The following PTPRB variants were observed in gnomAD, a reference collection of about 807,000 sequenced individuals.
PTPRB encodes protein tyrosine phosphatase receptor type B.
A neutral mutation model predicts 238.1 loss-of-function variants in PTPRB; 97 were observed. The ratio of observed to expected loss-of-function variants is 0.41; its 90% CI spans 0.35 to 0.48. The LOEUF (loss-of-function observed/expected upper bound fraction) is 0.48. Among genes scored for constraint, PTPRB ranks in the 20% least tolerant of loss-of-function variants. The pLI is 0.30. For missense variants in PTPRB, 2,292 were observed against 2,681.9 expected (o/e 0.85, Z 3.21); for synonymous variants, 970 against 995.4 (o/e 0.97, Z 0.48).
chr12:70,635,367 T>G (rs1481900678), intron 2 of PTPRB, among the ~76,000 whole-genome samples: 1 of 152,174 alleles, frequency 6.6e-6, no homozygotes, highest in Admixed American at 6.5e-5. Context: ...CATCTAACAG[T>G]GCTTAACTGG....
intron 6 of PTPRB, 135 bp from the exon 7 acceptor site, chr12:70,592,680 AT>A: frequency 3.3e-6 from 3 of 905,912 alleles, no homozygotes; most frequent in Non-Finnish European, 5.0e-6. Context: ...CAAGAGGCAA[AT>A]ATTATCCTCT....
At position 70,544,611 on chromosome 12, in the gene PTPRB, T is replaced by C. The variant is rs1875682163; in HGVS notation, c.5440A>G (p.Thr1814Ala). 6.2e-7 allele frequency: 1 copy of C among 1,610,120 alleles called. No individual in the cohort carries two copies. Among genetic ancestry groups the C allele is most frequent in the South Asian group, 1.1e-5 (1 of 90,326 alleles). The stretch of plus-strand genomic sequence containing the variant: ...AATGTGTCTGAATAGAGTGGCTTTG[T>C]GAATTCCTTCAGGTCCTCATCAAAG... ...QLFDEDLKEF[T>A]KPLYSDTFFS... The change falls in exon 22 of 34, where the codon ACA (threonine) becomes GCA (alanine). Residue 1814 changes from threonine to alanine, a missense_variant. Coordinates refer to ENST00000334414, the MANE Select transcript of PTPRB (RefSeq NM_001109754.4).
chr12:70,617,630 A>G (rs1460524952), intron 3 of PTPRB, among the ~76,000 whole-genome samples: 1 of 152,126 alleles, frequency 6.6e-6, no homozygotes, highest in Non-Finnish European at 1.5e-5. Context: ...TGACCCCAAT[A>G]TAGGAGGTTA....
chr12:70,629,961 C>T (rs1303067151), intron 2 of PTPRB, among the ~76,000 whole-genome samples: 2 of 152,046 alleles, frequency 1.3e-5, no homozygotes, highest in Non-Finnish European at 2.9e-5. Context: ...TAATAGCCTA[C>T]CAACCAAAAA....
chr12:70,627,454 G>A (rs1885257227), intron 2 of PTPRB, among the ~76,000 whole-genome samples: 1 of 152,090 alleles, frequency 6.6e-6, no homozygotes, highest in African/African-American at 2.4e-5. Flanking sequence ...TAGAGTCAAA[G>A]AAAATGTTTT....
At position 70,572,072 on chromosome 12, in the gene PTPRB, T is replaced by C; in HGVS notation, c.2858A>G (p.Gln953Arg). 1.2e-6 allele frequency: 2 copies of C among 1,610,816 alleles called. No homozygotes were observed. Among genetic ancestry groups the C allele is most frequent in the Non-Finnish European group, 8.5e-7 (1 of 1,178,466 alleles). ...SQERTVPDKV[Q>R]GVSVSNSARS... Reference sequence around the variant, plus strand: ...GGCTGAGTTGCTAACACTGACTCCCTGGACTTTGTCAGGCACTGAAAAGGA... The same window carrying C: ...GGCTGAGTTGCTAACACTGACTCCCCGGACTTTGTCAGGCACTGAAAAGGA... Residue 953 changes from glutamine (Q) to arginine (R), a missense_variant, in exon 12 of 34, where the codon CAG becomes CGG. Gln to Arg is a conservative substitution (Grantham distance 43). Coordinates refer to ENST00000334414, the MANE Select transcript of PTPRB (RefSeq NM_001109754.4).
At chr12:70,524,685 T>C in intron 32 of PTPRB, 94 bp from the exon 33 acceptor site, 1 of 1,316,616 alleles carries the variant, frequency 7.6e-7, no homozygotes, top group Admixed American at 2.7e-5. Flanking sequence ...TGGGATTATA[T>C]AGTTAGCAAA....
intron 5 of PTPRB, 127 bp downstream of exon 5, chr12:70,595,922 A>G: frequency 1.0e-6 from 1 of 953,170 alleles, no homozygotes; most frequent in South Asian, 2.5e-5. Context: ...GCTCCTTTTA[A>G]AAATTTAACT....
rs777358378 is a variant in PTPRB, at chr12:70,539,614, C to CTGAG, written c.5778+7_5778+10dup. ...TAGGGATGCTGAAGCTTCATTCTGCCTGAGTTGTACCTCGTATTCCTTGGA... is the reference window on the plus strand; with the variant it reads ...TAGGGATGCTGAAGCTTCATTCTGCCTGAGTGAGTTGTACCTCGTATTCCTTGGA... On this transcript the variant is annotated intron_variant, in intron 26 of 33. Coordinates refer to ENST00000334414, the MANE Select transcript of PTPRB (RefSeq NM_001109754.4). The CTGAG allele has an allele frequency of 2.6e-6, 4 of 1,518,816 alleles. No individual in the cohort carries two copies. Among genetic ancestry groups the CTGAG allele is most frequent in the Non-Finnish European group, 1.8e-6 (2 of 1,111,504 alleles). The allele number at this position is 1,518,816 out of a possible 1,614,324, so 94.1% of individuals were successfully genotyped here. A position where few individuals can be genotyped will look rare whatever the true frequency, so the allele number is the denominator to read the frequency against.
chr12:70,611,462 T>TGTG (rs200541091), intron 3 of PTPRB, among the ~76,000 whole-genome samples: 3 of 151,980 alleles, frequency 2.0e-5, no homozygotes, highest in Non-Finnish European at 2.9e-5. Flanking sequence ...CTAATTTTTT[T>TGTG]TGTGTGTGTG....
chr12:70,535,036 C>T (rs1592407832), intron 29 of PTPRB, 81 bp from the exon 30 acceptor site: 1 of 1,477,282 alleles, frequency 6.8e-7, no homozygotes, highest in East Asian at 2.3e-5. Flanking sequence ...CTCTAAATGT[C>T]TTCCAAAGTT....
intron 3 of PTPRB, among the ~76,000 whole-genome samples, chr12:70,616,082 A>G (rs1884666181): frequency 6.6e-6 from 1 of 151,958 alleles, no homozygotes; most frequent in Non-Finnish European, 1.5e-5. Flanking sequence ...TCTAATTGTC[A>G]GTGTCTTAAT....
Position 70,598,129 on chromosome 12 carries a change from T to C in PTPRB, c.980-1802A>G, listed in dbSNP as rs1207401847. Among the ~76,000 whole-genome samples the C allele has an allele frequency of 2.0e-5, 3 of 152,202 alleles. 1 individual carries two copies. The highest frequency in any genetic ancestry group is 4.4e-5 in the Non-Finnish European group (3 of 68,024). On this transcript the variant is annotated intron_variant, in intron 4 of 33. Transcript: ENST00000334414. ...CCACAGCACAGCCCTTTGGTTCACCTGAAGAACATATGTTCTAGGGTTTGA... is the reference window on the plus strand; with the variant it reads ...CCACAGCACAGCCCTTTGGTTCACCCGAAGAACATATGTTCTAGGGTTTGA...
chr12:70,565,606 G>A (rs1879188355), intron 15 of PTPRB, among the ~76,000 whole-genome samples: 1 of 152,148 alleles, frequency 6.6e-6, no homozygotes, highest in African/African-American at 2.4e-5. Flanking sequence ...CCATGTGTCT[G>A]TCTCGTCAGT....
chr12:70,607,323 C>T (rs1411377681), intron 4 of PTPRB, among the ~76,000 whole-genome samples: 1 of 152,168 alleles, frequency 6.6e-6, no homozygotes, highest in African/African-American at 2.4e-5. Flanking sequence ...CACTAGTTGG[C>T]CAGATGCCTT....
chr12:70,609,814 T>C, intron 3 of PTPRB: 1 of 1,582,774 alleles, frequency 6.3e-7, no homozygotes, highest in Non-Finnish European at 8.6e-7. Flanking sequence ...TGGCTCAGCA[T>C]TGCGCTCAGT....
intron 32 of PTPRB, among the ~76,000 whole-genome samples, chr12:70,531,459 C>G (rs4761219): frequency 6.6e-5 from 10 of 152,194 alleles, no homozygotes; most frequent in Non-Finnish European, 8.8e-5. Flanking sequence ...GAGGCTAGTA[C>G]GCTTATAGCA....
At chr12:70,536,262 C>T in intron 28 of PTPRB, 103 bp from the exon 29 acceptor site, 1 of 1,335,708 alleles carries the variant, frequency 7.5e-7, no homozygotes, top group African/African-American at 1.5e-5. Context: ...TCTGCCAAGT[C>T]TCTGACTTCA....
intron 3 of PTPRB, among the ~76,000 whole-genome samples, chr12:70,621,496 T>C (rs952585151): frequency 3.9e-5 from 6 of 152,178 alleles, no homozygotes; most frequent in African/African-American, 1.4e-4. Flanking sequence ...GAAAGATTTA[T>C]AGTAAAGGCG....
Sources: gnomAD v4.1 joint callset for allele counts (sites outside exome capture counted in the v4.1 genomes callset) on GRCh38, gnomAD v4.1.1 for gene constraint, MANE v1.5 for transcripts, NCBI Gene and HGNC (gene_info 2026-07-23, HGNC 2026-07-21) for gene names.